DNAH9: variants seen among roughly 807,000 people sequenced by gnomAD.
DNAH9 encodes DNAH9 variant protein.
A neutral mutation model predicts 471.6 loss-of-function variants in DNAH9; 345 were observed. The observed-to-expected ratio is 0.73, with a 90% CI of 0.67 to 0.80. The LOEUF is 0.80. Among genes scored for constraint, DNAH9 ranks in the 30% least tolerant of loss-of-function variants. The pLI is 0.00. For missense variants in DNAH9, 5,407 were observed against 5,609.2 expected (o/e 0.96, Z 1.15); for synonymous variants, 2,093 against 2,123.6 (o/e 0.99, Z 0.40).
chr17:11,793,002 C>T (rs1458796187), intron 41 of DNAH9, among the ~76,000 whole-genome samples: 1 of 152,178 alleles, frequency 6.6e-6, no homozygotes, highest in African/African-American at 2.4e-5. Flanking sequence ...GCTTCAATAG[C>T]ATCTAGTCCA....
chr17:11,921,158 A>G (rs1974124325), intron 61 of DNAH9, among the ~76,000 whole-genome samples: 1 of 151,450 alleles, frequency 6.6e-6, no homozygotes, highest in Non-Finnish European at 1.5e-5. Context: ...CAGGAGAATC[A>G]CTTGAATCTG....
chr17:11,860,933 A>T (rs1473646939), intron 50 of DNAH9, among the ~76,000 whole-genome samples: 1 of 151,694 alleles, frequency 6.6e-6, no homozygotes, highest in African/African-American at 2.4e-5. Context: ...TCCTTTGTGT[A>T]TGCACAGTTT....
intron 19 of DNAH9, 68 bp downstream of exon 19, chr17:11,680,957 T>C (rs1471889861): frequency 1.4e-6 from 2 of 1,396,456 alleles, no homozygotes; most frequent in East Asian, 2.5e-5. Flanking sequence ...GATAATCTTT[T>C]TGTGGGGCGT....
chr17:11,655,145 A>C (rs2073612452), intron 14 of DNAH9, among the ~76,000 whole-genome samples: 1 of 151,152 alleles, frequency 6.6e-6, no homozygotes, highest in South Asian at 2.1e-4. Flanking sequence ...CCCACCTCCC[A>C]CCCTTTCCTC....
intron 1 of DNAH9, among the ~76,000 whole-genome samples, chr17:11,601,842 G>A (rs924185478): frequency 1.3e-5 from 2 of 152,138 alleles, no homozygotes; most frequent in African/African-American, 4.8e-5. Context: ...GAACCTACCT[G>A]GCTGAGAGAC....
At chr17:11,681,400 T>C (rs1365543166) in intron 19 of DNAH9, among the ~76,000 whole-genome samples, 1 of 152,294 alleles carries the variant, frequency 6.6e-6, no homozygotes, top group East Asian at 1.9e-4. Context: ...AAAGCAACTC[T>C]AGGATCAGCA....
At chr17:11,854,581 T>A (rs1971556726) in intron 50 of DNAH9, among the ~76,000 whole-genome samples, 153 bp downstream of exon 50, 1 of 152,168 alleles carries the variant, frequency 6.6e-6, no homozygotes, top group Non-Finnish European at 1.5e-5. Context: ...AGAGGCAACT[T>A]TTTACATTTC....
At position 11,652,712 on chromosome 17, in the gene DNAH9, TATGC is replaced by T. The variant is rs1247896598; in HGVS notation, c.2354-48_2354-45del. 5 of 1,587,740 alleles carry T rather than the reference TATGC, an allele frequency of 3.1e-6. No individual in the cohort carries two copies. The East Asian group carries it at 1.1e-4, about 36-fold the overall frequency. On this transcript the variant is annotated intron_variant, in intron 13 of 68. Transcript: ENST00000262442. The stretch of plus-strand genomic sequence containing the variant: ...CTTTCATAGCAACTAGCCCTTTAGC[TATGC>T]CACTGCAGGCTATTTCAATTAATTA...
chr17:11,671,246 G>A (rs2073966736), intron 17 of DNAH9, among the ~76,000 whole-genome samples: 1 of 152,194 alleles, frequency 6.6e-6, no homozygotes, highest in Admixed American at 6.5e-5. Context: ...GCACAGCAAG[G>A]CTACAGAGCA....
chr17:11,747,108 T>C (rs561843901), intron 31 of DNAH9, among the ~76,000 whole-genome samples: 87 of 152,342 alleles, frequency 5.7e-4, no homozygotes, highest in African/African-American at 2.0e-3. Flanking sequence ...AAAGTTCTTA[T>C]GTGTTTTATT....
chr17:11,796,660 G>T (rs1182741319), intron 42 of DNAH9, among the ~76,000 whole-genome samples: 2 of 152,038 alleles, frequency 1.3e-5, no homozygotes, highest in African/African-American at 4.8e-5. Flanking sequence ...TGAACTTTAG[G>T]AGGAAAAAAC....
chr17:11,653,593 A>G (rs2073561200), intron 14 of DNAH9, among the ~76,000 whole-genome samples: 2 of 152,216 alleles, frequency 1.3e-5, no homozygotes, highest in Admixed American at 1.3e-4. Context: ...CTCCAGCCCT[A>G]CGCAAGTAGC....
chr17:11,833,136 T>C (rs1405530696), intron 48 of DNAH9, among the ~76,000 whole-genome samples: 1 of 152,166 alleles, frequency 6.6e-6, no homozygotes, highest in East Asian at 1.9e-4. Context: ...ATCATCCTTC[T>C]CTCCCAGCTC....
chr17:11,865,370 A>G (rs370734160), intron 50 of DNAH9, among the ~76,000 whole-genome samples: 1 of 151,632 alleles, frequency 6.6e-6, no homozygotes, highest in Non-Finnish European at 1.5e-5. Context: ...TGGCTTGTAG[A>G]GTTTCTGCCG....
chr17:11,936,651 C>CAATAA (rs530062318), intron 65 of DNAH9, among the ~76,000 whole-genome samples: 171 of 151,888 alleles, frequency 1.1e-3, no homozygotes, highest in African/African-American at 3.9e-3. Flanking sequence ...CACACACACA[C>CAATAA]AATAAAATAA....
intron 36 of DNAH9, among the ~76,000 whole-genome samples, chr17:11,766,420 C>G (rs1241683564): frequency 6.6e-6 from 1 of 152,140 alleles, no homozygotes; most frequent in Non-Finnish European, 1.5e-5. Flanking sequence ...GGGTTCAACT[C>G]CCAATTCTGT....
chr17:11,921,692 C>A (rs1974143950), intron 61 of DNAH9, among the ~76,000 whole-genome samples: 1 of 152,166 alleles, frequency 6.6e-6, no homozygotes, highest in Non-Finnish European at 1.5e-5. Flanking sequence ...ATGCGGCCAC[C>A]TTTGGCTGAG....
intron 24 of DNAH9, 40 bp downstream of exon 24, chr17:11,701,287 C>T (rs2074590592): frequency 1.3e-6 from 2 of 1,599,850 alleles, no homozygotes; most frequent in African/African-American, 1.3e-5. Flanking sequence ...ATGGTTGGGG[C>T]TGTCTTCCTC....
At chr17:11,951,751 C>T (rs570979403) in intron 67 of DNAH9, among the ~76,000 whole-genome samples, 21 of 151,944 alleles carry the variant, frequency 1.4e-4, no homozygotes, top group Non-Finnish European at 2.8e-4. Flanking sequence ...GGTGAAACCC[C>T]GTCTCTACTA....
Sources: allele counts gnomAD v4.1 joint callset (sites outside exome capture counted in the v4.1 genomes callset), GRCh38; gene constraint gnomAD v4.1.1; transcripts MANE v1.5; gene names NCBI Gene and HGNC (gene_info 2026-07-23, HGNC 2026-07-21).